Variants in UBTD1 observed in about 807,000 individuals in gnomAD.
UBTD1 encodes the protein ubiquitin domain-containing protein 1.
A neutral mutation model predicts 21.7 loss-of-function variants in UBTD1; 19 were observed. That is an observed-to-expected ratio of 0.87 (90% CI 0.61 to 1.28). The LOEUF is 1.28. Among genes scored for constraint, UBTD1 ranks in the 50% most tolerant of loss-of-function variants. UBTD1 has a pLI of 0.00. For missense variants in UBTD1, 282 were observed against 315.1 expected (o/e 0.89, Z 0.80); for synonymous variants, 116 against 135.1 (o/e 0.86, Z 0.98).
At chr10:97,567,057 A>G (rs1005387425) in intron 1 of UBTD1, among the ~76,000 whole-genome samples, 8 of 152,116 alleles carry the variant, frequency 5.3e-5, no homozygotes, top group Middle Eastern at 3.4e-3. Context: ...CATTAGTAAC[A>G]AGATGTTAAA....
At position 97,499,202 on chromosome 10, in the gene UBTD1, G is replaced by A. The variant is rs370235847; in HGVS notation, c.-2G>A. The A allele has an allele frequency of 1.7e-4, 268 of 1,545,270 alleles. No individual in the cohort carries two copies. Among genetic ancestry groups the A allele is most frequent in the Non-Finnish European group, 2.2e-4 (256 of 1,144,848 alleles). On this transcript the variant is annotated 5_prime_UTR_variant, in exon 1 of 3. Transcript: ENST00000370664. Reference sequence around the variant, plus strand: ...TGCATGGGGACTGGCTGAGGAGCCAGCATGGGCAACTGCGTGGGGAGACAG... The same window carrying A: ...TGCATGGGGACTGGCTGAGGAGCCAACATGGGCAACTGCGTGGGGAGACAG...
At chr10:97,549,152 T>C (rs932982834) in intron 1 of UBTD1, among the ~76,000 whole-genome samples, 5 of 152,220 alleles carry the variant, frequency 3.3e-5, no homozygotes, top group African/African-American at 1.2e-4. Flanking sequence ...GGCTGCAATT[T>C]TGTCTCTCTC....
At chr10:97,538,472 T>G (rs955921760) in intron 1 of UBTD1, among the ~76,000 whole-genome samples, 3 of 152,214 alleles carry the variant, frequency 2.0e-5, no homozygotes, top group African/African-American at 7.2e-5. Flanking sequence ...ATATTCAAAA[T>G]AGTGAGCATG....
At chr10:97,563,183 T>C (rs532803062) in intron 1 of UBTD1, among the ~76,000 whole-genome samples, 62 of 152,240 alleles carry the variant, frequency 4.1e-4, no homozygotes, top group African/African-American at 1.4e-3. Context: ...ATTAAAGGAC[T>C]AAGTATTGGG....
intron 1 of UBTD1, among the ~76,000 whole-genome samples, chr10:97,503,380 A>G (rs1343369479): frequency 6.6e-6 from 1 of 152,210 alleles, no homozygotes; most frequent in African/African-American, 2.4e-5. Flanking sequence ...GTAGATAAAT[A>G]TCTCTGCCCA....
Position 97,498,951 on chromosome 10 carries a change from T to C in UBTD1, c.-253T>C. The C allele has an allele frequency of 2.3e-6, 1 of 436,470 alleles. No individual in the cohort carries two copies. The highest frequency in any genetic ancestry group is 4.0e-6 in the Non-Finnish European group (1 of 248,186). 27.0% of individuals were successfully genotyped at this position (436,470 alleles called of 1,614,324 possible). On this transcript the variant is annotated 5_prime_UTR_variant, in exon 1 of 3. Coordinates refer to ENST00000370664, the MANE Select transcript of UBTD1 (RefSeq NM_024954.5). ...CTCCGCCCCTCCAGCGGAGCTGGTC[T>C]CCGGCCGGGCACCGTCGCGGGCCCC...
At chr10:97,500,646 C>T (rs1033111537) in intron 1 of UBTD1, among the ~76,000 whole-genome samples, 1 of 152,222 alleles carries the variant, frequency 6.6e-6, no homozygotes, top group Non-Finnish European at 1.5e-5. Context: ...CATTCCCCCC[C>T]TTCCTTTCTT....
intron 1 of UBTD1, among the ~76,000 whole-genome samples, chr10:97,505,273 T>A (rs1446138722): frequency 6.6e-6 from 1 of 152,242 alleles, no homozygotes; most frequent in East Asian, 1.9e-4. Context: ...CAAAGGTATG[T>A]CTGTCCCCTG....
intron 1 of UBTD1, among the ~76,000 whole-genome samples, chr10:97,557,121 G>A (rs1390337811): frequency 6.6e-6 from 1 of 152,122 alleles, no homozygotes; most frequent in African/African-American, 2.4e-5. Context: ...CTCCTGTTAC[G>A]GTTCCAACAC....
chr10:97,512,623 T>C (rs2135658941), intron 1 of UBTD1, among the ~76,000 whole-genome samples: 1 of 152,340 alleles, frequency 6.6e-6, no homozygotes, highest in Non-Finnish European at 1.5e-5. Flanking sequence ...CAAAGCTACA[T>C]TGGGCCCTTG....
intron 1 of UBTD1, among the ~76,000 whole-genome samples, chr10:97,523,571 T>C (rs771212226): frequency 6.6e-6 from 1 of 152,092 alleles, no homozygotes; most frequent in Non-Finnish European, 1.5e-5. Flanking sequence ...TTGCTAGCAC[T>C]GAGCCCAGCA....
At chr10:97,548,890 G>T (rs1469271827) in intron 1 of UBTD1, among the ~76,000 whole-genome samples, 1 of 152,166 alleles carries the variant, frequency 6.6e-6, no homozygotes, top group Non-Finnish European at 1.5e-5. Flanking sequence ...GGGATGGCTG[G>T]TCAGTGCCCA....
chr10:97,528,663 GCGGGGGGC>G (rs2040506416), intron 1 of UBTD1, among the ~76,000 whole-genome samples: 1 of 62,234 alleles, frequency 1.6e-5, no homozygotes, highest in Non-Finnish European at 3.5e-5. Flanking sequence ...GGCTGGCCGG[GCGGGGGGC>G]TGACCCCCCC....
intron 1 of UBTD1, among the ~76,000 whole-genome samples, chr10:97,507,546 G>A (rs2040404163): frequency 6.6e-6 from 1 of 151,560 alleles, no homozygotes; most frequent in Admixed American, 6.6e-5. Context: ...AGGCTGAGCC[G>A]GGCAGATCAC....
intron 1 of UBTD1, among the ~76,000 whole-genome samples, chr10:97,557,805 A>G (rs774346924): frequency 6.6e-6 from 1 of 152,208 alleles, no homozygotes; most frequent in Non-Finnish European, 1.5e-5. Flanking sequence ...TTCCTGGGCT[A>G]CATACCTTGG....
intron 1 of UBTD1, among the ~76,000 whole-genome samples, chr10:97,521,252 C>T (rs1412894401): frequency 6.6e-6 from 1 of 152,246 alleles, no homozygotes; most frequent in Non-Finnish European, 1.5e-5. Context: ...TAAGGTGAGA[C>T]TCTGCTGGGT....
intron 1 of UBTD1, among the ~76,000 whole-genome samples, chr10:97,519,560 T>C (rs1016036880): frequency 1.3e-5 from 2 of 152,148 alleles, no homozygotes; most frequent in African/African-American, 2.4e-5. Context: ...GATTGTCAAC[T>C]GGGGAGAGAG....
intron 1 of UBTD1, among the ~76,000 whole-genome samples, chr10:97,539,806 C>T (rs2040579441): frequency 6.6e-6 from 1 of 152,102 alleles, no homozygotes. Context: ...ACAAGAGGCC[C>T]TGTCTCTCCC....
At chr10:97,500,800 A>G (rs2040373039) in intron 1 of UBTD1, among the ~76,000 whole-genome samples, 1 of 152,096 alleles carries the variant, frequency 6.6e-6, no homozygotes. Flanking sequence ...TCAGTCCCAC[A>G]ACTCTTTGTC....
Sources: gnomAD v4.1 joint callset for allele counts (sites outside exome capture counted in the v4.1 genomes callset) on GRCh38, gnomAD v4.1.1 for gene constraint, MANE v1.5 for transcripts, NCBI Gene and HGNC (gene_info 2026-07-23, HGNC 2026-07-21) for gene names.